The following STEAP1B variants were observed in gnomAD, a reference collection of about 807,000 sequenced individuals.
The protein encoded by STEAP1B is STEAP family member 1B, also known as STEAP family protein MGC87042.
In STEAP1B, 13 loss-of-function variants were observed where a neutral mutation model predicts 27.9. The observed-to-expected ratio is 0.47, with a 90% CI of 0.30 to 0.74. The LOEUF is 0.74. STEAP1B is among the 30% of genes least tolerant of loss of function. STEAP1B has a pLI of 0.06. For missense variants in STEAP1B, 250 were observed against 298.7 expected, an observed-to-expected ratio of 0.84 and a Z score of 1.20; for synonymous variants, 86 against 107.1, an observed-to-expected ratio of 0.80 and a Z score of 1.22.
intron 4 of STEAP1B, among the ~76,000 whole-genome samples, chr7:22,487,313 A>G (rs1786227089): frequency 6.6e-6 from 1 of 152,198 alleles, no homozygotes; most frequent in Non-Finnish European, 1.5e-5. Context: ...CAATAAAAAC[A>G]TAAAGATGAG....
chr7:22,457,985 T>C (rs915928160), intron 4 of STEAP1B, among the ~76,000 whole-genome samples: 4 of 152,096 alleles, frequency 2.6e-5, no homozygotes, highest in African/African-American at 9.7e-5. Flanking sequence ...CCAGCCAAAC[T>C]CACCCAGCCA....
chr7:22,440,492 T>C (rs931617382), intron 4 of STEAP1B, among the ~76,000 whole-genome samples: 1 of 152,166 alleles, frequency 6.6e-6, no homozygotes, highest in Admixed American at 6.6e-5. Context: ...GTAAAGTTAT[T>C]CAGGCTGAAA....
At chr7:22,442,498 T>C (rs1383199797) in intron 4 of STEAP1B, among the ~76,000 whole-genome samples, 3 of 152,244 alleles carry the variant, frequency 2.0e-5, no homozygotes, top group Admixed American at 2.0e-4. Flanking sequence ...AAGTTGGGCC[T>C]CAAGGACAGG....
At chr7:22,486,150 A>G (rs568047051) in intron 4 of STEAP1B, among the ~76,000 whole-genome samples, 1 of 150,558 alleles carries the variant, frequency 6.6e-6, no homozygotes, top group Non-Finnish European at 1.5e-5. Context: ...TTGCTTTTTG[A>G]AGCTCCCCAG....
rs367998633 is a variant in STEAP1B at position 22,431,958 on chromosome 7, G to A, written c.763-12122C>T. On this transcript the variant is annotated intron_variant, in intron 4 of 4. Coordinates refer to ENST00000678116, the MANE Select transcript of STEAP1B (RefSeq NM_001382447.1). The stretch of plus-strand genomic sequence containing the variant: ...GCTCCAGCATTCCTTGCTGGTCCTT[G>A]CTATGGTCTGAATGTTTGCGTCTCT... Among the ~76,000 whole-genome samples the A allele has an allele frequency of 9.9e-5, 15 of 152,268 alleles. 1 individual carries two copies. The South Asian group carries it at 1.2e-3, about 13-fold the overall frequency.
At chr7:22,448,019 T>G (rs561447221) in intron 4 of STEAP1B, among the ~76,000 whole-genome samples, 1 of 152,378 alleles carries the variant, frequency 6.6e-6, no homozygotes, top group African/African-American at 2.4e-5. Context: ...GTATTTACCC[T>G]AGAAGGGATT....
chr7:22,440,398 C>G (rs1354039484), intron 4 of STEAP1B, among the ~76,000 whole-genome samples: 1 of 152,130 alleles, frequency 6.6e-6, no homozygotes, highest in Non-Finnish European at 1.5e-5. Context: ...AATTATTTGA[C>G]AAGCTGTATT....
At position 22,438,685 on chromosome 7, in the gene STEAP1B, A is replaced by G. The variant is rs1392904988; in HGVS notation, c.763-18849T>C. ...CTCCTGCCAGAAATTTGGTGTGCCTACCAGTTGTGTCTTGGCCAGTTTAGT... is the reference window on the plus strand; with the variant it reads ...CTCCTGCCAGAAATTTGGTGTGCCTGCCAGTTGTGTCTTGGCCAGTTTAGT... On this transcript the variant is annotated intron_variant, in intron 4 of 4. Coordinates refer to ENST00000678116, the MANE Select transcript of STEAP1B (RefSeq NM_001382447.1). The G allele has an allele frequency of 1.9e-6, 3 of 1,551,702 alleles. No homozygotes were observed. The Admixed American group carries it at 5.9e-5, about 30-fold the overall frequency.
In STEAP1B at chr7:22,464,949, A is replaced by ATATATATATATATATG. The variant is rs1554286207; in HGVS notation, c.762+27600_762+27615dup. ...GAAACCACAGACAGTACCAAACCCC[A>ATATATATATATATATG]TATATATATATATATGTAGGCACAA... On this transcript the variant is annotated intron_variant, in intron 4 of 4. Transcript: ENST00000678116. Among the ~76,000 whole-genome samples, 15 of 47,932 alleles carry ATATATATATATATATG rather than the reference A, an allele frequency of 3.1e-4. 1 individual carries two copies. The highest frequency in any genetic ancestry group is 1.5e-3 in the East Asian group (4 of 2,696). The allele number at this position is 47,932 out of a possible 152,430, so 31.4% of individuals were successfully genotyped here.
chr7:22,429,390 C>G (rs1386920238), intron 4 of STEAP1B, among the ~76,000 whole-genome samples: 2 of 152,148 alleles, frequency 1.3e-5, no homozygotes, highest in East Asian at 3.8e-4. Context: ...AACCTCACAT[C>G]ATGTTGCATT....
rs186012263 is a variant in STEAP1B, at chr7:22,494,781, G to A, written c.75C>T (p.Asn25=). 6.2e-5 allele frequency: 96 copies of A among 1,536,182 alleles called. No homozygotes were observed. Among genetic ancestry groups the A allele is most frequent in the East Asian group, 9.2e-5 (4 of 43,588 alleles). Residue 25 remains asparagine (N), a synonymous_variant, in exon 2 of 5, where the codon AAC becomes AAT. Coordinates refer to ENST00000678116, the MANE Select transcript of STEAP1B (RefSeq NM_001382447.1). ...ATTATTAATATTTTACCAAATAATC[G>A]TTGTCTTCTAAATTTCTCCTAGGCT... is the stretch of plus-strand genomic sequence containing the variant. ...KMKPRRNLED[N]DYLHEDTGET...
intron 4 of STEAP1B, among the ~76,000 whole-genome samples, chr7:22,456,972 A>ATATATTTTTT: frequency 1.8e-5 from 1 of 57,080 alleles, no homozygotes; most frequent in East Asian, 1.3e-3. Flanking sequence ...ATATATATAT[A>ATATATTTTTT]TTTTTTTTTT....
chr7:22,421,378 CTA>C (rs1363061567), intron 4 of STEAP1B, among the ~76,000 whole-genome samples: 5 of 152,212 alleles, frequency 3.3e-5, no homozygotes, highest in Admixed American at 2.0e-4. Context: ...TTCAACTTTG[CTA>C]TGTCTTGTGA....
intron 4 of STEAP1B, among the ~76,000 whole-genome samples, chr7:22,426,795 G>A (rs1785113073): frequency 6.6e-6 from 1 of 152,200 alleles, no homozygotes; most frequent in Admixed American, 6.6e-5. Context: ...AACAGTGGAA[G>A]ACAGACAAGA....
At chr7:22,494,280 A>G (rs1199713449) in intron 2 of STEAP1B, among the ~76,000 whole-genome samples, 2 of 151,736 alleles carry the variant, frequency 1.3e-5, no homozygotes, top group African/African-American at 2.4e-5. Flanking sequence ...TGTTTGACCA[A>G]AAGTGGAAAA....
rs185534869 is a variant in STEAP1B, at chr7:22,432,184, G to A, written c.763-12348C>T. On this transcript the variant is annotated intron_variant, in intron 4 of 4. Transcript: ENST00000678116. ...GGCTGTCTATGAGAAGTAGATCCTC[G>A]CCAGACACCAAATCTGCTTGTGCCT... 2.2e-3 allele frequency among the ~76,000 whole-genome samples: 339 copies of A among 151,960 alleles called. 3 individuals carry two copies. Among genetic ancestry groups the A allele is most frequent in the African/African-American group, 7.7e-3 (320 of 41,448 alleles).
At chr7:22,431,147 T>C (rs1433596236) in intron 4 of STEAP1B, among the ~76,000 whole-genome samples, 2 of 152,192 alleles carry the variant, frequency 1.3e-5, no homozygotes, top group African/African-American at 2.4e-5. Flanking sequence ...AAAGACAGTA[T>C]TGGCGCAGTA....
chr7:22,481,101 T>A (rs998348785), intron 4 of STEAP1B, among the ~76,000 whole-genome samples: 1 of 152,236 alleles, frequency 6.6e-6, no homozygotes, highest in Non-Finnish European at 1.5e-5. Context: ...TTCACAGTAA[T>A]GTAAACCACT....
intron 4 of STEAP1B, among the ~76,000 whole-genome samples, chr7:22,424,862 G>GA (rs909340411): frequency 7.9e-5 from 10 of 126,138 alleles, no homozygotes; most frequent in Non-Finnish European, 1.4e-4. Context: ...ATTCAGTAAA[G>GA]AAAAAAAATC....
Sources: gnomAD v4.1 joint callset for allele counts (sites outside exome capture counted in the v4.1 genomes callset) on GRCh38, gnomAD v4.1.1 for gene constraint, MANE v1.5 for transcripts, NCBI Gene and HGNC (gene_info 2026-07-23, HGNC 2026-07-21) for gene names.